CACNA1E: variants seen among roughly 807,000 people sequenced by gnomAD.
The protein encoded by CACNA1E is voltage-dependent R-type calcium channel subunit alpha-1E.
Under a neutral mutation model 259.2 loss-of-function variants are expected in CACNA1E, and 40 were observed. The ratio of observed to expected loss-of-function variants is 0.15; its 90% confidence interval spans 0.12 to 0.20. CACNA1E has a LOEUF of 0.20. CACNA1E is among the 10% of genes least tolerant of loss of function. CACNA1E has a pLI of 1.00. For missense variants in CACNA1E, 1,874 were observed against 3,040.1 expected (o/e 0.62, Z 9.02); for synonymous variants, 1,104 against 1,138.5 (o/e 0.97, Z 0.61).
At chr1:181,796,356 C>T (rs1272937703) in intron 46 of CACNA1E, among the ~76,000 whole-genome samples, 2 of 152,112 alleles carry the variant, frequency 1.3e-5, no homozygotes, top group African/African-American at 4.8e-5. Flanking sequence ...ACCAAGGTAC[C>T]AGCAGATCCC....
At chr1:181,568,463 C>G (rs764429426) in intron 3 of CACNA1E, among the ~76,000 whole-genome samples, 3 of 152,162 alleles carry the variant, frequency 2.0e-5, no homozygotes, top group Non-Finnish European at 4.4e-5. Flanking sequence ...GTGTGGTTAA[C>G]CTGGTGTTCC....
chr1:181,627,120 T>C (rs1656273416), intron 6 of CACNA1E, among the ~76,000 whole-genome samples: 1 of 152,234 alleles, frequency 6.6e-6, no homozygotes, highest in Non-Finnish European at 1.5e-5. Flanking sequence ...AAAAGAATGA[T>C]AGATACTCTA....
At chr1:181,792,851 G>A (rs185145980) in intron 44 of CACNA1E, among the ~76,000 whole-genome samples, 114 of 152,340 alleles carry the variant, frequency 7.5e-4, no homozygotes, top group Admixed American at 2.7e-3. Context: ...TGCCAAACAA[G>A]AATGACAGAA....
chr1:181,624,061 G>C (rs1267073575), intron 6 of CACNA1E, among the ~76,000 whole-genome samples: 2 of 152,196 alleles, frequency 1.3e-5, no homozygotes, highest in Admixed American at 6.5e-5. Flanking sequence ...GAAGGCGAAG[G>C]GGAGCCTGCC....
In CACNA1E at chr1:181,581,044, A is replaced by G. The variant is rs988062992; in HGVS notation, c.951+268A>G. Among the ~76,000 whole-genome samples the G allele has an allele frequency of 1.2e-4, 18 of 152,348 alleles. 1 individual carries two copies. Among genetic ancestry groups the G allele is most frequent in the Admixed American group, 5.2e-4 (8 of 15,308 alleles). ...TAGGTGAACAAATTAGTTAAGTCAGATCAACTTAATAGTTACAGAATATGT... is the reference window on the plus strand; with the variant it reads ...TAGGTGAACAAATTAGTTAAGTCAGGTCAACTTAATAGTTACAGAATATGT... On this transcript the variant is annotated intron_variant, in intron 6 of 47. Transcript: ENST00000367573.
Position 181,805,434 on chromosome 1 carries a change from T to C in CACNA1E, c.*6600T>C, listed in dbSNP as rs2102941729. On this transcript the variant is annotated 3_prime_UTR_variant, in exon 48 of 48. Coordinates refer to ENST00000367573, the MANE Select transcript of CACNA1E (RefSeq NM_001205293.3). ...AGTGCCATTAATCAATTTTTAAGAA[T>C]AAAGGTAATATGAAATGAGGGCTAA... 6.6e-6 allele frequency: 1 copy of C among 152,264 alleles called. No individual in the cohort carries two copies. Among genetic ancestry groups the C allele is most frequent in the South Asian group, 2.1e-4 (1 of 4,824 alleles). 9.4% of individuals were successfully genotyped at this position (152,264 alleles called of 1,614,324 possible). A position where few individuals can be genotyped will look rare whatever the true frequency, so the allele number is the denominator to read the frequency against.
intron 2 of CACNA1E, among the ~76,000 whole-genome samples, chr1:181,452,854 A>C (rs1263233389): frequency 6.6e-6 from 1 of 152,176 alleles, no homozygotes; most frequent in African/African-American, 2.4e-5. Context: ...TTCTCAGTAC[A>C]ATCTGTTTCG....
At chr1:181,493,079 G>A (rs1664457052) in intron 1 of CACNA1E, among the ~76,000 whole-genome samples, 1 of 152,080 alleles carries the variant, frequency 6.6e-6, no homozygotes, top group African/African-American at 2.4e-5. Context: ...TCTATACTGG[G>A]ATCACAAATC....
chr1:181,399,891 G>A lies in CACNA1E; in HGVS notation c.-14-13242G>A, dbSNP rs532050226. Among the ~76,000 whole-genome samples, 3 of 152,316 alleles carry A rather than the reference G, an allele frequency of 2.0e-5. No individual in the cohort carries two copies. The East Asian group carries it at 5.8e-4, about 29-fold the overall frequency. On this transcript the variant is annotated intron_variant, in intron 1 of 11. Coordinates refer to the CACNA1E transcript ENST00000524607. ...CACAATTTCATGGATATCATTGCCT[G>A]GGATGAAGCTAACAAAACCCATGCC...
At chr1:181,790,317 A>G (rs1338310528) in intron 43 of CACNA1E, 128 bp from the exon 44 acceptor site, 2 of 466,172 alleles carry the variant, frequency 4.3e-6, no homozygotes, top group South Asian at 4.4e-5. Context: ...TAATTTCAGG[A>G]CTAGCCACAT....
At chr1:181,665,593 T>C (rs1205731676) in intron 7 of CACNA1E, among the ~76,000 whole-genome samples, 1 of 152,112 alleles carries the variant, frequency 6.6e-6, no homozygotes, top group Non-Finnish European at 1.5e-5. Context: ...CAAAGTAGCT[T>C]GAAGAGAGGC....
chr1:181,335,208 C>T (rs573307924), intron 1 of CACNA1E, among the ~76,000 whole-genome samples: 31 of 152,328 alleles, frequency 2.0e-4, no homozygotes, highest in South Asian at 6.2e-4. Flanking sequence ...CAAACAGGAT[C>T]CACACTGTCT....
At chr1:181,636,558 G>A (rs905847793) in intron 6 of CACNA1E, among the ~76,000 whole-genome samples, 4 of 152,176 alleles carry the variant, frequency 2.6e-5, no homozygotes, top group African/African-American at 9.7e-5. Context: ...CCTCAATGTG[G>A]GGATTAGAGA....
chr1:181,476,937 A>G (rs779815289), intron 2 of CACNA1E, among the ~76,000 whole-genome samples: 1 of 152,162 alleles, frequency 6.6e-6, no homozygotes, highest in African/African-American at 2.4e-5. Context: ...GTCTGGGGCT[A>G]AACTCCGAAC....
intron 3 of CACNA1E, among the ~76,000 whole-genome samples, chr1:181,542,610 G>A (rs1032773786): frequency 6.6e-6 from 1 of 151,910 alleles, no homozygotes; most frequent in African/African-American, 2.4e-5. Flanking sequence ...TCTCCTTCCT[G>A]CTGCCTTGTG....
intron 7 of CACNA1E, among the ~76,000 whole-genome samples, chr1:181,706,541 A>C (rs1652819358): frequency 6.6e-6 from 1 of 152,214 alleles, no homozygotes; most frequent in Admixed American, 6.5e-5. Flanking sequence ...TAACGCTATG[A>C]ATTTTATTCT....
intron 6 of CACNA1E, among the ~76,000 whole-genome samples, chr1:181,605,906 G>A (rs560583119): frequency 6.6e-6 from 1 of 152,160 alleles, no homozygotes; most frequent in Non-Finnish European, 1.5e-5. Flanking sequence ...GGGGTAATTC[G>A]GGAATTTAAA....
chr1:181,521,153 T>C (rs1398501267), intron 3 of CACNA1E, among the ~76,000 whole-genome samples: 3 of 152,204 alleles, frequency 2.0e-5, no homozygotes, highest in Non-Finnish European at 2.9e-5. Context: ...CTCCCTGGCC[T>C]CCAGCACTGG....
At chr1:181,610,444 C>T (rs557370766) in intron 6 of CACNA1E, among the ~76,000 whole-genome samples, 4 of 152,322 alleles carry the variant, frequency 2.6e-5, no homozygotes, top group East Asian at 3.9e-4. Context: ...TTCTACTTTG[C>T]GTGGTCTATA....
Sources: allele counts gnomAD v4.1 joint callset (sites outside exome capture counted in the v4.1 genomes callset), GRCh38; gene constraint gnomAD v4.1.1; transcripts MANE v1.5; gene names NCBI Gene and HGNC (gene_info 2026-07-23, HGNC 2026-07-21).